Variants in RAP1GDS1 observed in about 807,000 individuals in gnomAD.
The protein encoded by RAP1GDS1 is RAP1, GTP-GDP dissociation stimulator 1.
RAP1GDS1 carries 35 observed loss-of-function variants against 71.1 expected under a neutral mutation model. That is an observed-to-expected ratio of 0.49 (90% confidence interval 0.38 to 0.65). RAP1GDS1 has a LOEUF of 0.65. Ranked by LOEUF, RAP1GDS1 falls within the 30% of genes least tolerant of loss-of-function variation. The pLI is 0.00. For synonymous variants in RAP1GDS1, 229 were observed against 243.1 expected (o/e 0.94, Z 0.54); for missense variants, 663 against 706.1 (o/e 0.94, Z 0.69).
intron 14 of RAP1GDS1, chr4:98,441,723 T>C (rs1399926880): frequency 8.6e-6 from 6 of 695,316 alleles, no homozygotes; most frequent in Non-Finnish European, 1.1e-5. Context: ...GCTGTGACCA[T>C]GCCACTGTAC....
intron 2 of RAP1GDS1, chr4:98,296,995 G>A (rs1465692014): frequency 3.8e-5 from 9 of 234,174 alleles, no homozygotes; most frequent in Non-Finnish European, 7.7e-5. Flanking sequence ...GAAGAAGTAA[G>A]CTGTCTTCCC....
intron 4 of RAP1GDS1, among the ~76,000 whole-genome samples, chr4:98,362,769 G>T (rs1738930775): frequency 6.6e-6 from 1 of 152,110 alleles, no homozygotes; most frequent in African/African-American, 2.4e-5. Context: ...TTATAGTAAT[G>T]ATTGTACTTA....
intron 5 of RAP1GDS1, among the ~76,000 whole-genome samples, chr4:98,383,407 C>G (rs2110111846): frequency 6.6e-6 from 1 of 151,548 alleles, no homozygotes; most frequent in South Asian, 2.1e-4. Flanking sequence ...TTTATATATA[C>G]ATGTATGATA....
intron 4 of RAP1GDS1, among the ~76,000 whole-genome samples, chr4:98,362,334 G>T (rs1738855964): frequency 6.6e-6 from 1 of 152,116 alleles, no homozygotes; most frequent in South Asian, 2.1e-4. Context: ...AAATTTAGCT[G>T]TGCATGATGG....
intron 2 of RAP1GDS1, among the ~76,000 whole-genome samples, chr4:98,304,519 C>T: frequency 6.6e-6 from 1 of 152,084 alleles, no homozygotes; most frequent in East Asian, 1.9e-4. Context: ...TGTTCATGTC[C>T]TTTGCCCACT....
intron 2 of RAP1GDS1, among the ~76,000 whole-genome samples, chr4:98,295,437 T>G (rs1169924377): frequency 6.6e-6 from 1 of 152,064 alleles, no homozygotes; most frequent in African/African-American, 2.4e-5. Context: ...AAAAAGGAGT[T>G]CATGCAGATG....
intron 4 of RAP1GDS1, among the ~76,000 whole-genome samples, chr4:98,366,984 G>A (rs533595862): frequency 9.9e-5 from 15 of 152,282 alleles, no homozygotes; most frequent in South Asian, 4.2e-4. Flanking sequence ...AGAAATCTGC[G>A]TAAGGAGGAA....
chr4:98,320,135 G>C (rs907617034), intron 2 of RAP1GDS1, among the ~76,000 whole-genome samples: 2 of 152,166 alleles, frequency 1.3e-5, no homozygotes, highest in African/African-American at 4.8e-5. Context: ...TACTGAATAT[G>C]TGTTAATTGT....
intron 1 of RAP1GDS1, among the ~76,000 whole-genome samples, chr4:98,262,583 A>G (rs1722181099): frequency 1.3e-5 from 2 of 152,284 alleles, no homozygotes; most frequent in East Asian, 1.9e-4. Flanking sequence ...GACTTGTACT[A>G]AGTTCCCCAG....
chr4:98,350,705 G>A (rs1189924027), intron 3 of RAP1GDS1, among the ~76,000 whole-genome samples: 1 of 152,132 alleles, frequency 6.6e-6, no homozygotes, highest in Non-Finnish European at 1.5e-5. Flanking sequence ...GGCTGTGGTG[G>A]CACTTGCCTG....
At chr4:98,319,082 A>G (rs994322220) in intron 2 of RAP1GDS1, among the ~76,000 whole-genome samples, 5 of 152,188 alleles carry the variant, frequency 3.3e-5, no homozygotes, top group African/African-American at 1.2e-4. Context: ...TACATTAAGT[A>G]TGTTGTGGAA....
intron 2 of RAP1GDS1, among the ~76,000 whole-genome samples, chr4:98,305,981 T>G (rs1729265470): frequency 6.6e-6 from 1 of 152,188 alleles, no homozygotes; most frequent in African/African-American, 2.4e-5. Context: ...CAGTACTGAT[T>G]TACTATAACT....
chr4:98,378,556 G>T (rs991883351), intron 4 of RAP1GDS1, among the ~76,000 whole-genome samples: 1 of 151,296 alleles, frequency 6.6e-6, no homozygotes, highest in South Asian at 2.1e-4. Flanking sequence ...ACATAATAAC[G>T]TTCCCATATG....
Position 98,261,539 on chromosome 4 carries a change from G to A in RAP1GDS1, c.-27G>A. 1.3e-6 allele frequency: 2 copies of A among 1,596,902 alleles called. No individual in the cohort carries two copies. Among genetic ancestry groups the A allele is most frequent in the Non-Finnish European group, 8.5e-7 (1 of 1,170,294 alleles). ...GCACCACAGACCTTCGCCTCGCCCC[G>A]CCGGTTCCTCACCCTCGGGGAGCAA... On this transcript the variant is annotated 5_prime_UTR_variant, in exon 1 of 15. Coordinates refer to ENST00000408927, the MANE Select transcript of RAP1GDS1 (RefSeq NM_001100427.2).
At chr4:98,342,023 A>G (rs1452443261) in intron 2 of RAP1GDS1, among the ~76,000 whole-genome samples, 1 of 152,092 alleles carries the variant, frequency 6.6e-6, no homozygotes, top group Non-Finnish European at 1.5e-5. Context: ...GATGTTGTTA[A>G]TTCTTTTATT....
At chr4:98,374,341 T>G (rs1740841485) in intron 4 of RAP1GDS1, among the ~76,000 whole-genome samples, 1 of 152,212 alleles carries the variant, frequency 6.6e-6, no homozygotes, top group African/African-American at 2.4e-5. Context: ...GCATTTCCAT[T>G]TAACTCTTTC....
At chr4:98,432,063 C>T (rs1011487153) in intron 12 of RAP1GDS1, among the ~76,000 whole-genome samples, 17 of 152,054 alleles carry the variant, frequency 1.1e-4, no homozygotes, top group Non-Finnish European at 1.5e-5. Flanking sequence ...GGTATTTCTC[C>T]TAATGCTATC....
chr4:98,363,012 ATAC>A (rs1422639881), intron 4 of RAP1GDS1, among the ~76,000 whole-genome samples: 2 of 152,284 alleles, frequency 1.3e-5, no homozygotes, highest in South Asian at 2.1e-4. Flanking sequence ...AAACAAGTAA[ATAC>A]TACAGAAAAG....
intron 5 of RAP1GDS1, chr4:98,387,502 A>G: frequency 2.2e-6 from 1 of 455,874 alleles, no homozygotes; most frequent in Non-Finnish European, 4.4e-6. Flanking sequence ...ATTCAAATGT[A>G]GGTAGGTAAG....
Sources: allele counts gnomAD v4.1 joint callset (sites outside exome capture counted in the v4.1 genomes callset), GRCh38; gene constraint gnomAD v4.1.1; transcripts MANE v1.5; gene names NCBI Gene and HGNC (gene_info 2026-07-23, HGNC 2026-07-21).